NRXN1: variants seen among roughly 807,000 people sequenced by gnomAD.
NRXN1 encodes the protein neurexin-1.
A neutral mutation model predicts 150.9 loss-of-function variants in NRXN1; 39 were observed. That is an observed-to-expected ratio of 0.26 (90% CI 0.20 to 0.34). The LOEUF (loss-of-function observed/expected upper bound fraction) is 0.34. NRXN1 is among the 10% of genes least tolerant of loss of function. The probability of loss-of-function intolerance (pLI) is 1.00; values close to 1 mark genes in which losing one functional copy is unlikely to be tolerated. For missense variants in NRXN1, 1,815 were observed against 1,949.9 expected, an observed-to-expected ratio of 0.93 and a Z score of 1.30; for synonymous variants, 924 against 757.0, an observed-to-expected ratio of 1.22 and a Z score of -3.62.
In NRXN1 at chr2:50,413,223, T is replaced by C. The variant is rs2083311205; in HGVS notation, c.3364+52219A>G. 2.0e-5 allele frequency among the ~76,000 whole-genome samples: 3 copies of C among 152,204 alleles called. 1 individual carries two copies. In the South Asian group the frequency reaches 6.2e-4, roughly 32 times the overall value. On this transcript the variant is annotated intron_variant, in intron 17 of 22. Transcript: ENST00000401669. ...CATAACAAGAATACATAAGGAGATA[T>C]AACAACTTTACAGAAAATAATCTAA...
At chr2:50,544,159 CAA>C (rs1251071508) in intron 9 of NRXN1, among the ~76,000 whole-genome samples, 3 of 152,034 alleles carry the variant, frequency 2.0e-5, no homozygotes, top group African/African-American at 4.8e-5. Flanking sequence ...TCAGATTTCA[CAA>C]AGTTACAAAT....
intron 8 of NRXN1, among the ~76,000 whole-genome samples, chr2:50,566,833 G>A (rs964634762): frequency 1.6e-4 from 24 of 152,106 alleles, no homozygotes; most frequent in African/African-American, 5.6e-4. Flanking sequence ...GATAGTAGCT[G>A]AGTTCCTATT....
chr2:50,463,678 A>G (rs2088495083), intron 17 of NRXN1, among the ~76,000 whole-genome samples: 2 of 151,834 alleles, frequency 1.3e-5, no homozygotes, highest in Admixed American at 1.3e-4. Flanking sequence ...TTCTTTAGGG[A>G]AAGTCTAACA....
chr2:50,216,588 A>G (rs1206297458), intron 18 of NRXN1, among the ~76,000 whole-genome samples: 1 of 152,040 alleles, frequency 6.6e-6, no homozygotes, highest in Non-Finnish European at 1.5e-5. Flanking sequence ...AGACTGAGAC[A>G]TGCCAACAGA....
chr2:50,586,470 T>G (rs756497145), intron 8 of NRXN1, among the ~76,000 whole-genome samples: 3 of 152,174 alleles, frequency 2.0e-5, no homozygotes, highest in Non-Finnish European at 4.4e-5. Context: ...TTTTGTTCCC[T>G]ATTGTATACC....
chr2:50,815,333 C>G (rs1031899190), intron 5 of NRXN1, among the ~76,000 whole-genome samples: 1 of 152,020 alleles, frequency 6.6e-6, no homozygotes, highest in African/African-American at 2.4e-5. Flanking sequence ...TTTTCTAAAT[C>G]CCATTAGAAT....
intron 5 of NRXN1, among the ~76,000 whole-genome samples, chr2:50,661,286 G>A (rs72837010): frequency 0.089 from 13,516 of 152,044 alleles, 671 homozygotes; most frequent in Middle Eastern, 0.13. Flanking sequence ...AAGGTTCACA[G>A]AAGAACTCAC....
intron 5 of NRXN1, among the ~76,000 whole-genome samples, chr2:50,647,093 C>A (rs1684929998): frequency 6.6e-6 from 1 of 151,352 alleles, no homozygotes; most frequent in Non-Finnish European, 1.5e-5. Flanking sequence ...AACAGGAGAT[C>A]CTCTTGAATA....
chr2:50,395,330 T>A (rs1398944819), intron 17 of NRXN1, among the ~76,000 whole-genome samples: 2 of 151,660 alleles, frequency 1.3e-5, no homozygotes, highest in African/African-American at 4.8e-5. Context: ...CAAAAAGTGC[T>A]AAAATGTGCT....
chr2:50,397,020 G>A (rs1044494598), intron 17 of NRXN1, among the ~76,000 whole-genome samples: 3 of 151,982 alleles, frequency 2.0e-5, no homozygotes, highest in Admixed American at 6.6e-5. Flanking sequence ...GAAGCAGCAC[G>A]TTCCACTCCT....
At chr2:50,177,076 A>G (rs1406565092) in intron 18 of NRXN1, among the ~76,000 whole-genome samples, 1 of 152,166 alleles carries the variant, frequency 6.6e-6, no homozygotes, top group African/African-American at 2.4e-5. Context: ...GTTCTTGCAG[A>G]AGTAATGTCA....
chr2:50,686,699 G>A (rs1258092893), intron 5 of NRXN1, among the ~76,000 whole-genome samples: 1 of 152,122 alleles, frequency 6.6e-6, no homozygotes, highest in Non-Finnish European at 1.5e-5. Flanking sequence ...ACCACATCTC[G>A]AGTCTATCTC....
intron 2 of NRXN1, among the ~76,000 whole-genome samples, chr2:50,946,837 G>T (rs1690469762): frequency 6.6e-6 from 1 of 152,104 alleles, no homozygotes; most frequent in South Asian, 2.1e-4. Context: ...AAATAACTTT[G>T]TGCTGAAGGC....
intron 5 of NRXN1, among the ~76,000 whole-genome samples, chr2:50,744,703 G>C (rs532808670): frequency 5.8e-4 from 89 of 152,156 alleles, no homozygotes; most frequent in African/African-American, 2.1e-3. Flanking sequence ...TGTTTAATTA[G>C]TTGACATGCA....
intron 5 of NRXN1, among the ~76,000 whole-genome samples, chr2:50,818,114 C>CAAA (rs199675644): frequency 8.6e-5 from 4 of 46,692 alleles, no homozygotes; most frequent in Non-Finnish European, 9.3e-5. Context: ...GACTCCATAG[C>CAAA]AAAAAAAAAA....
At chr2:50,987,031 T>C (rs1697831523) in intron 2 of NRXN1, among the ~76,000 whole-genome samples, 1 of 151,888 alleles carries the variant, frequency 6.6e-6, no homozygotes, top group African/African-American at 2.4e-5. Flanking sequence ...TCTTTTACAA[T>C]AAAAATGCAC....
intron 2 of NRXN1, among the ~76,000 whole-genome samples, chr2:50,931,972 C>G (rs1486819568): frequency 6.6e-6 from 1 of 151,976 alleles, no homozygotes; most frequent in African/African-American, 2.4e-5. Context: ...AGCAATTCTC[C>G]TGCCTCAGCC....
intron 5 of NRXN1, among the ~76,000 whole-genome samples, chr2:50,787,461 G>C (rs3890994): frequency 0.55 from 83,515 of 151,344 alleles, 23,462 homozygotes; most frequent in East Asian, 0.8. Flanking sequence ...ATTCGGGATG[G>C]TGGGACAGGA....
chr2:50,507,953 G>C (rs1385711905), intron 12 of NRXN1, among the ~76,000 whole-genome samples: 6 of 151,284 alleles, frequency 4.0e-5, no homozygotes, highest in African/African-American at 1.2e-4. Context: ...GATCACGGGA[G>C]GATATATGAG....
Sources: allele counts gnomAD v4.1 joint callset (sites outside exome capture counted in the v4.1 genomes callset), GRCh38; gene constraint gnomAD v4.1.1; transcripts MANE v1.5; gene names NCBI Gene and HGNC (gene_info 2026-07-23, HGNC 2026-07-21).